The following IQGAP2 variants were observed in gnomAD, a reference collection of about 807,000 sequenced individuals.
IQGAP2 encodes the protein IQ motif containing GTPase activating protein 2.
A neutral mutation model predicts 201.3 loss-of-function variants in IQGAP2; 173 were observed. The observed-to-expected ratio is 0.86, with a 90% CI of 0.76 to 0.98. The LOEUF (loss-of-function observed/expected upper bound fraction) is 0.98, where lower values mean the gene tolerates loss of function less well. Among genes scored for constraint, IQGAP2 ranks in the 50% least tolerant of loss-of-function variants. IQGAP2 has a pLI of 0.00. For synonymous variants in IQGAP2, 675 were observed against 673.9 expected (o/e 1.00, Z -0.03); for missense variants, 1,687 against 1,864.8 (o/e 0.90, Z 1.76).
chr5:76,415,223 G>A (rs2150074801), intron 1 of IQGAP2, among the ~76,000 whole-genome samples: 1 of 152,236 alleles, frequency 6.6e-6, no homozygotes, highest in East Asian at 1.9e-4. Context: ...AGAATAATGT[G>A]GACAAAATAG....
At chr5:76,428,469 C>T (rs1474524574) in intron 1 of IQGAP2, among the ~76,000 whole-genome samples, 2 of 142,234 alleles carry the variant, frequency 1.4e-5, no homozygotes, top group Admixed American at 7.2e-5. Context: ...TGGAGTTCTG[C>T]TCTTGTTGCC....
intron 18 of IQGAP2, among the ~76,000 whole-genome samples, chr5:76,653,044 A>C (rs1237823356): frequency 6.6e-6 from 1 of 152,206 alleles, no homozygotes; most frequent in Non-Finnish European, 1.5e-5. Context: ...CAAGTCCTTT[A>C]TGAGTGGTTA....
intron 2 of IQGAP2, among the ~76,000 whole-genome samples, chr5:76,553,200 T>C (rs1194174463): frequency 2.0e-5 from 3 of 152,224 alleles, no homozygotes; most frequent in Non-Finnish European, 4.4e-5. Context: ...CTGATGCTTT[T>C]ACTGCCTGTT....
chr5:76,532,404 G>C (rs1055244723), intron 2 of IQGAP2, among the ~76,000 whole-genome samples: 3 of 119,878 alleles, frequency 2.5e-5, no homozygotes, highest in Non-Finnish European at 4.8e-5. Context: ...AATGAAAATT[G>C]CTTTTTTTTC....
At chr5:76,609,810 C>T (rs549348320) in intron 12 of IQGAP2, among the ~76,000 whole-genome samples, 51 of 147,902 alleles carry the variant, frequency 3.4e-4, no homozygotes, top group African/African-American at 1.3e-3. Flanking sequence ...AGCTCCTTGG[C>T]AGTGTGTGTA....
At chr5:76,520,912 C>T (rs1281722573) in intron 2 of IQGAP2, among the ~76,000 whole-genome samples, 3 of 151,702 alleles carry the variant, frequency 2.0e-5, no homozygotes, top group Admixed American at 6.6e-5. Flanking sequence ...TTTCACCATG[C>T]TGGCCAGGCT....
intron 2 of IQGAP2, among the ~76,000 whole-genome samples, chr5:76,494,636 C>T (rs900337068): frequency 2.0e-5 from 3 of 152,112 alleles, no homozygotes; most frequent in Non-Finnish European, 4.4e-5. Flanking sequence ...AGGACCACAC[C>T]GCAGAAGGTT....
At chr5:76,471,466 T>C (rs1336314981) in intron 2 of IQGAP2, among the ~76,000 whole-genome samples, 1 of 151,934 alleles carries the variant, frequency 6.6e-6, no homozygotes, top group Non-Finnish European at 1.5e-5. Flanking sequence ...ATTGGCTATA[T>C]TGGTGAGTCT....
At chr5:76,653,908 A>G (rs1041739258) in intron 18 of IQGAP2, among the ~76,000 whole-genome samples, 1 of 152,202 alleles carries the variant, frequency 6.6e-6, no homozygotes, top group Non-Finnish European at 1.5e-5. Context: ...GCTTTTATTT[A>G]CTGAGTTTAA....
chr5:76,697,517 G>C (rs1746866422), intron 32 of IQGAP2, among the ~76,000 whole-genome samples: 2 of 152,110 alleles, frequency 1.3e-5, no homozygotes, highest in African/African-American at 2.4e-5. Context: ...ATTGGCACGG[G>C]CCTGCAGCCC....
intron 4 of IQGAP2, among the ~76,000 whole-genome samples, chr5:76,572,186 C>G (rs1745158885): frequency 6.6e-6 from 1 of 151,934 alleles, no homozygotes; most frequent in Non-Finnish European, 1.5e-5. Context: ...ATAGCTTGCT[C>G]CTATGTGTTG....
At chr5:76,634,452 G>A (rs559566394) in intron 15 of IQGAP2, among the ~76,000 whole-genome samples, 2 of 152,062 alleles carry the variant, frequency 1.3e-5, no homozygotes, top group Non-Finnish European at 1.5e-5. Flanking sequence ...TAGAGACGGG[G>A]TTTCACCATG....
chr5:76,702,352 G>C (rs564881218), intron 34 of IQGAP2, 130 bp from the exon 35 acceptor site: 46 of 585,610 alleles, frequency 7.9e-5, no homozygotes, highest in Middle Eastern at 9.1e-4. Flanking sequence ...GAGGTTTTTG[G>C]TGACTTCCTT....
At chr5:76,672,120 C>T (rs1394568636) in intron 24 of IQGAP2, 137 bp downstream of exon 24, 2 of 649,784 alleles carry the variant, frequency 3.1e-6, no homozygotes, top group African/African-American at 1.8e-5. Flanking sequence ...CTCCCTTTAA[C>T]ATATCCATGC....
At chr5:76,475,746 G>A (rs1755378407) in intron 2 of IQGAP2, among the ~76,000 whole-genome samples, 1 of 152,170 alleles carries the variant, frequency 6.6e-6, no homozygotes, top group African/African-American at 2.4e-5. Flanking sequence ...CACTTGAGGG[G>A]TGGGTAAACA....
At chr5:76,672,892 C>A (rs887584471) in intron 24 of IQGAP2, among the ~76,000 whole-genome samples, 1 of 116,308 alleles carries the variant, frequency 8.6e-6, no homozygotes, top group Non-Finnish European at 1.6e-5. Context: ...ACATCACACT[C>A]TGGGGACTGT....
intron 13 of IQGAP2, among the ~76,000 whole-genome samples, chr5:76,626,083 A>G (rs1269798259): frequency 6.6e-6 from 1 of 152,126 alleles, no homozygotes; most frequent in Non-Finnish European, 1.5e-5. Flanking sequence ...ATAATGCAAT[A>G]CATTTTCATT....
intron 30 of IQGAP2, among the ~76,000 whole-genome samples, chr5:76,690,798 T>A (rs931606828): frequency 2.0e-5 from 3 of 152,234 alleles, no homozygotes; most frequent in African/African-American, 7.2e-5. Context: ...ATCCAGTGTG[T>A]GTTTCACACA....
At chr5:76,605,315 A>G (rs1207817266) in intron 11 of IQGAP2, among the ~76,000 whole-genome samples, 2 of 152,198 alleles carry the variant, frequency 1.3e-5, no homozygotes, top group African/African-American at 4.8e-5. Flanking sequence ...CACAGTGAGA[A>G]GGGTCATTGG....
Sources: allele counts gnomAD v4.1 joint callset (sites outside exome capture counted in the v4.1 genomes callset), GRCh38; gene constraint gnomAD v4.1.1; transcripts MANE v1.5; gene names NCBI Gene and HGNC (gene_info 2026-07-23, HGNC 2026-07-21).